The following HS3ST4 variants were observed in gnomAD, a reference collection of about 807,000 sequenced individuals.
HS3ST4 encodes heparan sulfate-glucosamine 3-sulfotransferase 4, also known as heparan sulfate glucosamine 3-O-sulfotransferase 4.
In HS3ST4, 17 loss-of-function variants were observed where a neutral mutation model predicts 29.2. That is an observed-to-expected ratio of 0.58 (90% CI 0.40 to 0.87). HS3ST4 has a LOEUF of 0.87. Among genes scored for constraint, HS3ST4 ranks in the 40% least tolerant of loss-of-function variants. The pLI is 0.00. For missense variants in HS3ST4, 627 were observed against 634.5 expected, an observed-to-expected ratio of 0.99 and a Z score of 0.13; for synonymous variants, 314 against 285.7, an observed-to-expected ratio of 1.10 and a Z score of -1.00.
intron 1 of HS3ST4, among the ~76,000 whole-genome samples, chr16:26,130,517 T>A (rs1025930650): frequency 1.3e-5 from 2 of 152,148 alleles, no homozygotes; most frequent in Admixed American, 1.3e-4. Context: ...ACAAAGGTGA[T>A]TAAAACTTTG....
intron 1 of HS3ST4, among the ~76,000 whole-genome samples, chr16:25,810,352 T>A (rs568616338): frequency 6.6e-6 from 1 of 152,316 alleles, no homozygotes; most frequent in African/African-American, 2.4e-5. Context: ...CTTTTAAATT[T>A]GTTAAAGTTT....
chr16:25,932,020 G>A (rs1968468854), intron 1 of HS3ST4, among the ~76,000 whole-genome samples: 1 of 152,118 alleles, frequency 6.6e-6, no homozygotes, highest in East Asian at 1.9e-4. Flanking sequence ...ACTCTATATT[G>A]AAAGTTCATC....
At chr16:25,938,642 C>G (rs967198787) in intron 1 of HS3ST4, among the ~76,000 whole-genome samples, 1 of 151,926 alleles carries the variant, frequency 6.6e-6, no homozygotes, top group Non-Finnish European at 1.5e-5. Flanking sequence ...AAATTTCCAA[C>G]ATGTGCTAAA....
rs891787523 is a variant in HS3ST4, at chr16:25,693,006, C to G, written c.589C>G (p.Leu197Val). Residue 197 changes from leucine (L) to valine (V), a missense_variant, in exon 1 of 2, where the codon CTG becomes GTG. Around this residue, in one of 2 missense-constraint regions of HS3ST4, gnomAD observed 402 missense variants for 340.8 expected, o/e 1.18. Transcript: ENST00000331351. ...CACCCCCGACTATGGGGAGAAGAAG[C>G]TGCCACAGGCGCTCATCATCGGGGT... ...VSTPDYGEKK[L>V]PQALIIGVKK... 2.5e-6 allele frequency: 4 copies of G among 1,611,616 alleles called. No individual in the cohort carries two copies. Among genetic ancestry groups the G allele is most frequent in the Non-Finnish European group, 2.5e-6 (3 of 1,179,308 alleles).
At chr16:26,091,808 A>G (rs1335578937) in intron 1 of HS3ST4, among the ~76,000 whole-genome samples, 2 of 152,230 alleles carry the variant, frequency 1.3e-5, no homozygotes, top group African/African-American at 4.8e-5. Flanking sequence ...CACAGACTCC[A>G]AATATACATG....
At chr16:25,742,062 C>T (rs1160991448) in intron 1 of HS3ST4, among the ~76,000 whole-genome samples, 30 of 152,268 alleles carry the variant, frequency 2.0e-4, no homozygotes, top group Admixed American at 2.0e-3. Flanking sequence ...CTCTCAGAGG[C>T]AAATGACAGA....
At chr16:25,910,896 C>G (rs897308207) in intron 1 of HS3ST4, among the ~76,000 whole-genome samples, 1 of 152,128 alleles carries the variant, frequency 6.6e-6, no homozygotes, top group African/African-American at 2.4e-5. Context: ...AGGCTTCATT[C>G]TATCCCAGGA....
At chr16:26,085,742 T>C (rs13336282) in intron 1 of HS3ST4, among the ~76,000 whole-genome samples, 74,122 of 151,656 alleles carry the variant, frequency 0.49, 18,346 homozygotes, top group Middle Eastern at 0.56. Context: ...TGCATGGTGA[T>C]GTGCACCTAT....
intron 1 of HS3ST4, among the ~76,000 whole-genome samples, chr16:25,959,675 A>G (rs1968774356): frequency 6.6e-6 from 1 of 152,122 alleles, no homozygotes; most frequent in African/African-American, 2.4e-5. Context: ...TATCTAGACT[A>G]GGTATGATGT....
chr16:26,101,106 C>T (rs1338736293), intron 1 of HS3ST4, among the ~76,000 whole-genome samples: 2 of 152,172 alleles, frequency 1.3e-5, no homozygotes, highest in African/African-American at 2.4e-5. Flanking sequence ...AACCTTCTTG[C>T]TCCTCTTCAC....
intron 1 of HS3ST4, among the ~76,000 whole-genome samples, chr16:25,840,333 A>G (rs1967400255): frequency 1.3e-5 from 2 of 152,194 alleles, no homozygotes; most frequent in African/African-American, 4.8e-5. Flanking sequence ...GATTCCTTTG[A>G]GCATTTTGAG....
At chr16:26,016,193 G>A (rs779725297) in intron 1 of HS3ST4, among the ~76,000 whole-genome samples, 6 of 152,182 alleles carry the variant, frequency 3.9e-5, no homozygotes, top group Non-Finnish European at 8.8e-5. Flanking sequence ...TGTAAACTAA[G>A]TGTGCTCTGA....
intron 1 of HS3ST4, among the ~76,000 whole-genome samples, chr16:26,026,452 G>C (rs1969474634): frequency 6.6e-6 from 1 of 152,154 alleles, no homozygotes; most frequent in Non-Finnish European, 1.5e-5. Flanking sequence ...TGTCACCAAT[G>C]ATCTGGTTAT....
chr16:26,091,510 G>A (rs74013258), intron 1 of HS3ST4, among the ~76,000 whole-genome samples: 5,077 of 152,144 alleles, frequency 0.033, 265 homozygotes, highest in African/African-American at 0.11. Flanking sequence ...CAATTTTCAC[G>A]TCCTTGGGCA....
intron 1 of HS3ST4, among the ~76,000 whole-genome samples, chr16:26,032,311 G>T (rs988669920): frequency 3.3e-5 from 5 of 151,950 alleles, no homozygotes; most frequent in Admixed American, 2.0e-4. Flanking sequence ...CTCAAAACTA[G>T]AAGGGAAAGG....
At chr16:26,052,113 C>A (rs1171650688) in intron 1 of HS3ST4, among the ~76,000 whole-genome samples, 2 of 152,084 alleles carry the variant, frequency 1.3e-5, no homozygotes, top group African/African-American at 4.8e-5. Context: ...GATCCCCATT[C>A]CAGAGAGGGT....
At chr16:26,038,112 C>T (rs1002738874) in intron 1 of HS3ST4, among the ~76,000 whole-genome samples, 3 of 152,160 alleles carry the variant, frequency 2.0e-5, no homozygotes, top group Non-Finnish European at 2.9e-5. Flanking sequence ...CCTGTGGCTT[C>T]CTCTGCTCCA....
intron 1 of HS3ST4, among the ~76,000 whole-genome samples, chr16:25,851,655 A>G (rs1214895505): frequency 6.6e-6 from 1 of 152,144 alleles, no homozygotes; most frequent in East Asian, 1.9e-4. Context: ...GAACTTGGAT[A>G]TACAATCTTT....
At chr16:25,883,021 C>T (rs1403518938) in intron 1 of HS3ST4, among the ~76,000 whole-genome samples, 1 of 152,082 alleles carries the variant, frequency 6.6e-6, no homozygotes, top group African/African-American at 2.4e-5. Flanking sequence ...AAGAAGCTCC[C>T]CTTTACCCTC....
Sources: gnomAD v4.1 joint callset for allele counts (sites outside exome capture counted in the v4.1 genomes callset) on GRCh38, gnomAD v4.1.1 for gene constraint, gnomAD v4.1.1 regional missense constraint, MANE v1.5 for transcripts, NCBI Gene and HGNC (gene_info 2026-07-23, HGNC 2026-07-21) for gene names.